The following UNC13D variants were observed in gnomAD, a reference collection of about 807,000 sequenced individuals.
UNC13D encodes the protein unc-13 homolog D.
UNC13D carries 115 observed loss-of-function variants against 151.7 expected under a neutral mutation model. The observed-to-expected ratio is 0.76, with a 90% CI of 0.65 to 0.88. The LOEUF is 0.88. UNC13D is among the 40% of genes least tolerant of loss of function. The probability of loss-of-function intolerance (pLI) is 0.00; values close to 1 mark genes in which losing one functional copy is unlikely to be tolerated. For missense variants in UNC13D, 1,369 were observed against 1,438.7 expected, an observed-to-expected ratio of 0.95 and a Z score of 0.78; for synonymous variants, 588 against 612.2, an observed-to-expected ratio of 0.96 and a Z score of 0.58.
chr17:75,843,953 A>G, intron 1 of UNC13D: 2 of 1,392,520 alleles, frequency 1.4e-6, no homozygotes, highest in Non-Finnish European at 1.9e-6. Context: ...CTGAAGCTGG[A>G]GGAGTAGGGG....
chr17:75,834,517 C>T lies in UNC13D; in HGVS notation c.2106G>A (p.Val702=), dbSNP rs984157304. ...GQAANMLCVV[V]NDMEQLRLVI... ...CCAGCCGCAGCTGCTCCATGTCATT[C>T]ACCACCACACACAGCTGGGACAGAG... The change falls in exon 23 of 32, where the codon GTG becomes GTA. Residue 702 remains valine (V), a synonymous_variant. Coordinates refer to ENST00000207549, the MANE Select transcript of UNC13D (RefSeq NM_199242.3). 4.4e-6 allele frequency: 7 copies of T among 1,587,410 alleles called. No individual in the cohort carries two copies. The highest frequency in any genetic ancestry group is 6.0e-6 in the Non-Finnish European group (7 of 1,166,966).
chr17:75,828,728 C>T (rs944169057), intron 31 of UNC13D, 59 bp downstream of exon 31: 6 of 1,439,226 alleles, frequency 4.2e-6, no homozygotes, highest in East Asian at 2.6e-5. Flanking sequence ...CTCTGGGGCC[C>T]CTGCCTGAGC....
chr17:75,837,925 C>T (rs564174612), intron 12 of UNC13D, among the ~76,000 whole-genome samples: 85 of 152,166 alleles, frequency 5.6e-4, no homozygotes, highest in African/African-American at 1.9e-3. Context: ...GGGGACAGGC[C>T]GAAGTCCCTA....
rs762280970 is a variant in UNC13D, at chr17:75,835,791, G to A, written c.1597-14C>T. 1.2e-6 allele frequency: 2 copies of A among 1,614,032 alleles called. No individual in the cohort carries two copies. The highest frequency in any genetic ancestry group is 3.3e-5 in the Admixed American group (2 of 60,036). ...CCGCTTGGCCACCTGCAAAGGAAAG[G>A]TGTGGAGGGCGGGGCCCACAGCTCT... On this transcript the variant is annotated splice_polypyrimidine_tract_variant and intron_variant, in intron 18 of 31. Coordinates refer to ENST00000207549, the MANE Select transcript of UNC13D (RefSeq NM_199242.3).
Position 75,832,822 on chromosome 17 carries a change from G to A in UNC13D, c.2447+144C>T, listed in dbSNP as rs112267124. 0.18 allele frequency: 125,422 copies of A among 687,318 alleles called. 14,068 individuals are homozygous for A. Among genetic ancestry groups the A allele is most frequent in the Non-Finnish European group, 0.2 (79,132 of 389,900 alleles). 42.6% of individuals were successfully genotyped at this position (687,318 alleles called of 1,614,324 possible). ...TGCTGAGGCCCAGGAAAGAGGGGCC[G>A]TGGGAGGAGAGGGGGAGGTGGCGAG... On this transcript the variant is annotated intron_variant, in intron 25 of 31. Transcript: ENST00000207549. The surrounding 1 kb of genome is among the most constrained non-coding windows in gnomAD (Gnocchi z 4.3).
rs1440035523 is a variant in UNC13D, at chr17:75,840,219, A to T, written c.858+6T>A. The T allele has an allele frequency of 1.2e-6, 2 of 1,613,780 alleles. No individual in the cohort carries two copies. Among genetic ancestry groups the T allele is most frequent in the Non-Finnish European group, 1.7e-6 (2 of 1,179,944 alleles). On this transcript the variant is annotated splice_donor_region_variant and intron_variant, in intron 10 of 31. Transcript: ENST00000207549. The surrounding 1 kb of genome is among the most constrained non-coding windows in gnomAD (Gnocchi z 4.6). Reference sequence around the variant, plus strand: ...GGCATGGCCACTGGCCCAGTACCCGACCTACCCGCTTATGGATGAGTTGGA... The same window carrying T: ...GGCATGGCCACTGGCCCAGTACCCGTCCTACCCGCTTATGGATGAGTTGGA...
intron 5 of UNC13D, 46 bp from the exon 6 acceptor site, chr17:75,842,659 T>A: frequency 6.2e-7 from 1 of 1,608,498 alleles, no homozygotes; most frequent in Non-Finnish European, 8.5e-7. Context: ...GTCGGCTGGG[T>A]CCCTGGGAGA....
Position 75,828,960 on chromosome 17 carries a change from C to T in UNC13D, c.2978G>A (p.Arg993His), listed in dbSNP as rs140452589. The stretch of plus-strand genomic sequence containing the variant: ...GAGCAGGAGGCATGCCCCAGCCTTG[C>T]GGCACGGCTCAGCAGGCACCAGGCT... ...FEFLVPAEPCRKAGACLLLTV... is the reference protein window; with the variant it reads ...FEFLVPAEPCHKAGACLLLTV... Residue 993 changes from arginine (R) to histidine (H), a missense_variant, in exon 31 of 32, where the codon CGC becomes CAC. Arg to His is a conservative substitution (Grantham distance 29). This residue lies in a region of UNC13D where 807 missense variants were observed against 795.5 expected (regional missense o/e 1.01). Transcript: ENST00000207549. The T allele has an allele frequency of 2.6e-5, 42 of 1,604,404 alleles. No homozygotes were observed. The East Asian group carries it at 3.6e-4, about 14-fold the overall frequency.
At chr17:75,828,398 C>A (rs994298299) in intron 31 of UNC13D, among the ~76,000 whole-genome samples, 1 of 152,184 alleles carries the variant, frequency 6.6e-6, no homozygotes, top group Admixed American at 6.5e-5. Context: ...TTTCATGCCT[C>A]GGTTTACTCA....
chr17:75,836,466 TG>T, intron 14 of UNC13D, 37 bp from the exon 15 acceptor site: 3 of 1,612,058 alleles, frequency 1.9e-6, no homozygotes, highest in Non-Finnish European at 2.5e-6. Flanking sequence ...AAGTGCCTGC[TG>T]CCCCACACTG....
At position 75,840,727 on chromosome 17, in the gene UNC13D, C is replaced by T. The variant is rs774552818; in HGVS notation, c.683+35G>A. The T allele has an allele frequency of 2.5e-6, 4 of 1,613,512 alleles. No homozygotes were observed. Among genetic ancestry groups the T allele is most frequent in the Non-Finnish European group, 2.5e-6 (3 of 1,179,776 alleles). Reference sequence around the variant, plus strand: ...TTGGGGGATGGAGGGCAAAAGGAGCCCCAACCCCTTCCCTGTGAGCCCTGC... The same window carrying T: ...TTGGGGGATGGAGGGCAAAAGGAGCTCCAACCCCTTCCCTGTGAGCCCTGC... On this transcript the variant is annotated intron_variant, in intron 8 of 31. Coordinates refer to ENST00000207549, the MANE Select transcript of UNC13D (RefSeq NM_199242.3). This position sits in a 1 kb window ranked among gnomAD's most constrained non-coding sequence, Gnocchi z 4.6.
Position 75,828,954 on chromosome 17 carries a change from G to T in UNC13D, c.2984C>A (p.Ala995Asp). ...FLVPAEPCRK[A>D]GACLLLTVLD... ...CACGGTGAGCAGGAGGCATGCCCCAGCCTTGCGGCACGGCTCAGCAGGCAC... is the reference window on the plus strand; with the variant it reads ...CACGGTGAGCAGGAGGCATGCCCCATCCTTGCGGCACGGCTCAGCAGGCAC... Residue 995 changes from alanine (A) to aspartate (D), a missense_variant, in exon 31 of 32, where the codon GCT becomes GAT. Around this residue, in one of 3 missense-constraint regions of UNC13D, gnomAD observed 807 missense variants for 795.5 expected, o/e 1.01. Transcript: ENST00000207549. 6.2e-7 allele frequency: 1 copy of T among 1,605,180 alleles called. No homozygotes were observed.
rs569817605 is a variant in UNC13D, at chr17:75,836,115, G to A, written c.1447-6C>T. 1.2e-6 allele frequency: 2 copies of A among 1,613,162 alleles called. No individual in the cohort carries two copies. Among genetic ancestry groups the A allele is most frequent in the East Asian group, 2.2e-5 (1 of 44,892 alleles). ...TTGCCTGCCTCCGGGATGCCCTGCAGAGACAGAGGTGGGCTGGGCAGGGCT... is the reference window on the plus strand; with the variant it reads ...TTGCCTGCCTCCGGGATGCCCTGCAAAGACAGAGGTGGGCTGGGCAGGGCT... On this transcript the variant is annotated splice_region_variant and splice_polypyrimidine_tract_variant and intron_variant, in intron 16 of 31. Coordinates refer to ENST00000207549, the MANE Select transcript of UNC13D (RefSeq NM_199242.3).
In UNC13D at chr17:75,836,676, T is replaced by G. The variant is rs776862138; in HGVS notation, c.1194A>C (p.Ser398=). Residue 398 remains serine, a synonymous_variant, in exon 14 of 32, where the codon TCA becomes TCC. Coordinates refer to ENST00000207549, the MANE Select transcript of UNC13D (RefSeq NM_199242.3). ...KAEQQEELAA[S]FSSLLTYGLS... The stretch of plus-strand genomic sequence containing the variant: ...GGCCGTAGGTCAGCAGGGAGCTGAA[T>G]GAGGCGGCCAGCTCCTCCTGCTGAA... 5 of 1,613,576 alleles carry G rather than the reference T, an allele frequency of 3.1e-6. No homozygotes were observed. In the East Asian group the frequency reaches 1.1e-4, roughly 36 times the overall value.
In UNC13D at chr17:75,844,333, G is replaced by A. The variant is rs752295384; in HGVS notation, c.5C>T (p.Ala2Val). The A allele has an allele frequency of 4.8e-5, 77 of 1,608,552 alleles. No homozygotes were observed. Among genetic ancestry groups the A allele is most frequent in the Non-Finnish European group, 5.7e-5 (67 of 1,178,272 alleles). M[A>V]TLLSHPQQRP... ...CTGCTGCGGATGGGAGAGGAGTGTC[G>A]CCATGGTGGCCTTCTCTGCCCTTCC... Residue 2 changes from alanine (A) to valine (V), a missense_variant, in exon 1 of 32, where the codon GCG (alanine) becomes GTG (valine). Coordinates refer to ENST00000207549, the MANE Select transcript of UNC13D (RefSeq NM_199242.3).
chr17:75,831,499 G>A (rs1333183003), intron 25 of UNC13D, 151 bp from the exon 26 acceptor site: 1 of 689,382 alleles, frequency 1.5e-6, no homozygotes, highest in African/African-American at 1.8e-5. Flanking sequence ...TCCCACCCCA[G>A]GTGAGGCTGG....
In UNC13D at chr17:75,832,995, G is replaced by A. The variant is rs762729972; in HGVS notation, c.2418C>T (p.Asn806=). The A allele has an allele frequency of 2.1e-5, 34 of 1,599,776 alleles. No homozygotes were observed. The highest frequency in any genetic ancestry group is 2.9e-5 in the Non-Finnish European group (34 of 1,174,302). ...KFLEVELCYM[N]TNLVQENFSS... is the part of the protein sequence containing the mutation. The stretch of plus-strand genomic sequence containing the variant: ...TGAAGTTCTCCTGCACCAAGTTGGT[G>A]TTCATGTAGCAAAGCTCCACCTCCA... Residue 806 remains asparagine (N), a synonymous_variant, in exon 25 of 32, where the codon AAC becomes AAT. Transcript: ENST00000207549. The surrounding 1 kb of genome is among the most constrained non-coding windows in gnomAD (Gnocchi z 4.3).
chr17:75,835,604 C>T, intron 19 of UNC13D, 43 bp downstream of exon 19: 1 of 1,612,588 alleles, frequency 6.2e-7, no homozygotes, highest in Non-Finnish European at 8.5e-7. Context: ...ACCCTCCCCT[C>T]CCCTGTGCCC....
Position 75,835,404 on chromosome 17 carries a change from C to T in UNC13D, c.1848+5G>A, listed in dbSNP as rs780412805. 6.2e-7 allele frequency: 1 copy of T among 1,611,466 alleles called. No individual in the cohort carries two copies. The highest frequency in any genetic ancestry group is 1.1e-5 in the South Asian group (1 of 90,990). ...CCCCGCCCCCTGCCCTGGCCACGCC[C>T]CCACCTCATCCATCTGCACAGCGCG... On this transcript the variant is annotated splice_donor_5th_base_variant and intron_variant, in intron 20 of 31. Coordinates refer to ENST00000207549, the MANE Select transcript of UNC13D (RefSeq NM_199242.3).
Sources: allele counts gnomAD v4.1 joint callset (sites outside exome capture counted in the v4.1 genomes callset), GRCh38; gene constraint gnomAD v4.1.1; regional missense constraint gnomAD v4.1.1; non-coding constraint Gnocchi (gnomAD v3.1); transcripts MANE v1.5; gene names NCBI Gene and HGNC (gene_info 2026-07-23, HGNC 2026-07-21).